RBMS3: variants seen among roughly 807,000 people sequenced by gnomAD.
The protein encoded by RBMS3 is RNA-binding motif, single-stranded-interacting protein 3.
In RBMS3, 27 loss-of-function variants were observed where a neutral mutation model predicts 66.8. The ratio of observed to expected loss-of-function variants is 0.40; its 90% CI spans 0.30 to 0.56. The LOEUF (loss-of-function observed/expected upper bound fraction) is 0.56. RBMS3 is among the 20% of genes least tolerant of loss of function. The probability of loss-of-function intolerance (pLI) is 0.40; values close to 1 mark genes in which losing one functional copy is unlikely to be tolerated. For synonymous variants in RBMS3, 188 were observed against 183.0 expected (o/e 1.03, Z -0.22); for missense variants, 513 against 549.5 (o/e 0.93, Z 0.66).
chr3:29,630,287 T>A (rs2049236850), intron 4 of RBMS3, among the ~76,000 whole-genome samples: 1 of 152,088 alleles, frequency 6.6e-6, no homozygotes, highest in Non-Finnish European at 1.5e-5. Flanking sequence ...TGGTGAATGA[T>A]GTCATAGTCA....
At chr3:29,982,983 ATCTG>A (rs766573881) in intron 12 of RBMS3, among the ~76,000 whole-genome samples, 6 of 152,164 alleles carry the variant, frequency 3.9e-5, no homozygotes, top group African/African-American at 7.2e-5. Context: ...TGTCTCATTG[ATCTG>A]TCTAATATTG....
chr3:29,456,364 ATAAAG>A (rs1005362337), intron 2 of RBMS3, among the ~76,000 whole-genome samples: 6 of 152,146 alleles, frequency 3.9e-5, no homozygotes. Context: ...TATACTAAAA[ATAAAG>A]TATAGAATGC....
chr3:29,767,516 G>A (rs2055987640), intron 6 of RBMS3: 1 of 151,922 alleles, frequency 6.6e-6, no homozygotes, highest in Non-Finnish European at 1.5e-5. Flanking sequence ...ACAGAACTTT[G>A]CACAAGTAGT....
intron 4 of RBMS3, among the ~76,000 whole-genome samples, chr3:29,703,905 C>T (rs77626967): frequency 0.028 from 4,255 of 152,240 alleles, 86 homozygotes; most frequent in Admixed American, 0.065. Flanking sequence ...CCCACATTAT[C>T]GCCTGCACTC....
intron 6 of RBMS3, among the ~76,000 whole-genome samples, chr3:29,788,365 A>C (rs2056894451): frequency 6.6e-6 from 1 of 152,122 alleles, no homozygotes; most frequent in South Asian, 2.1e-4. Flanking sequence ...AGCTGGTAAT[A>C]CAGGCATGTG....
At chr3:29,361,186 G>A (rs62243462) in intron 1 of RBMS3, among the ~76,000 whole-genome samples, 15,768 of 151,956 alleles carry the variant, frequency 0.1, 1,101 homozygotes, top group Admixed American at 0.19. Context: ...TGGCTGGTGC[G>A]CTTTGTTCCT....
intron 6 of RBMS3, among the ~76,000 whole-genome samples, chr3:29,824,161 C>T (rs896120743): frequency 6.0e-5 from 9 of 149,908 alleles, no homozygotes; most frequent in Admixed American, 5.3e-4. Flanking sequence ...TCCTAACCTC[C>T]AAGGTAATGG....
chr3:29,901,371 T>C (rs1407432741), intron 10 of RBMS3, among the ~76,000 whole-genome samples: 1 of 151,860 alleles, frequency 6.6e-6, no homozygotes, highest in African/African-American at 2.4e-5. Context: ...AACTTAGTCC[T>C]CATACTGAGT....
intron 6 of RBMS3, among the ~76,000 whole-genome samples, chr3:29,846,288 A>T (rs2058774133): frequency 2.0e-5 from 3 of 152,188 alleles, no homozygotes; most frequent in African/African-American, 7.2e-5. Flanking sequence ...TATGGATAGA[A>T]GTGGAAGATT....
chr3:29,473,361 C>T (rs537627164), intron 2 of RBMS3, among the ~76,000 whole-genome samples: 61 of 152,304 alleles, frequency 4.0e-4, no homozygotes, highest in African/African-American at 1.4e-3. Context: ...TACAGAGTAT[C>T]GATTGGTGCA....
chr3:29,781,921 C>T lies in RBMS3; in HGVS notation c.637+18932C>T, dbSNP rs558754275. ...TCAGCATAGGCAGCCACAATCCCCC[C>T]GGGAATATAACTCCATAAGATTGGG... On this transcript the variant is annotated intron_variant, in intron 6 of 14. Coordinates refer to ENST00000383767, the MANE Select transcript of RBMS3 (RefSeq NM_001003793.3). Among the ~76,000 whole-genome samples the T allele has an allele frequency of 3.9e-4, 59 of 152,100 alleles. 1 individual carries two copies. The highest frequency in any genetic ancestry group is 5.0e-4 in the Non-Finnish European group (34 of 67,992).
At chr3:29,928,841 T>C (rs1234434451) in intron 10 of RBMS3, among the ~76,000 whole-genome samples, 2 of 144,872 alleles carry the variant, frequency 1.4e-5, no homozygotes, top group Non-Finnish European at 3.0e-5. Flanking sequence ...GGTCACTTGC[T>C]CCTCTCTTCT....
intron 3 of RBMS3, among the ~76,000 whole-genome samples, chr3:29,513,011 C>T (rs2044475407): frequency 1.3e-5 from 2 of 152,098 alleles, no homozygotes; most frequent in South Asian, 4.1e-4. Context: ...TGCTATGTGT[C>T]ATAAAAGGGC....
chr3:29,484,545 A>C (rs2043252070), intron 2 of RBMS3, among the ~76,000 whole-genome samples: 1 of 152,222 alleles, frequency 6.6e-6, no homozygotes, highest in South Asian at 2.1e-4. Flanking sequence ...ATTCTGAGGT[A>C]GTGAGGATTA....
At chr3:29,781,948 G>A (rs9310915) in intron 6 of RBMS3, among the ~76,000 whole-genome samples, 89,293 of 151,556 alleles carry the variant, frequency 0.59, 26,540 homozygotes, top group East Asian at 0.79. Context: ...AAGATTGGGA[G>A]CCATATCCTC....
chr3:29,558,400 T>C (rs2046431269), intron 3 of RBMS3, among the ~76,000 whole-genome samples: 2 of 152,216 alleles, frequency 1.3e-5, no homozygotes, highest in African/African-American at 4.8e-5. Context: ...GGCAACATTA[T>C]TTAAAGGACA....
At chr3:29,601,137 T>C (rs138084711) in intron 4 of RBMS3, among the ~76,000 whole-genome samples, 88 of 151,734 alleles carry the variant, frequency 5.8e-4, no homozygotes, top group African/African-American at 2.1e-3. Flanking sequence ...ACATACAATA[T>C]ATATTTATTA....
At chr3:29,583,026 A>G (rs917050145) in intron 3 of RBMS3, among the ~76,000 whole-genome samples, 7 of 152,250 alleles carry the variant, frequency 4.6e-5, no homozygotes, top group Admixed American at 1.3e-4. Context: ...TGAAGCCTTT[A>G]TCCCCCTTGG....
chr3:29,758,111 A>G (rs530894347), intron 5 of RBMS3, among the ~76,000 whole-genome samples: 8 of 152,340 alleles, frequency 5.3e-5, no homozygotes, highest in African/African-American at 1.9e-4. Context: ...AACACCCTTG[A>G]CATCTCATAT....
Sources: gnomAD v4.1 joint callset for allele counts (sites outside exome capture counted in the v4.1 genomes callset) on GRCh38, gnomAD v4.1.1 for gene constraint, MANE v1.5 for transcripts, NCBI Gene and HGNC (gene_info 2026-07-23, HGNC 2026-07-21) for gene names.